ADGRE1: variants seen among roughly 807,000 people sequenced by gnomAD.
The protein encoded by ADGRE1 is EGF-like module receptor 1.
ADGRE1 carries 82 observed loss-of-function variants against 102.7 expected under a neutral mutation model. That is an observed-to-expected ratio of 0.80 (90% CI 0.67 to 0.96). The LOEUF is 0.96. Among genes scored for constraint, ADGRE1 ranks in the 40% least tolerant of loss-of-function variants. ADGRE1 has a pLI of 0.00. For missense variants in ADGRE1, 1,032 were observed against 1,085.3 expected (o/e 0.95, Z 0.69); for synonymous variants, 398 against 399.6 (o/e 1.00, Z 0.05).
Position 6,921,999 on chromosome 19 carries a change from G to A in ADGRE1, c.1791+116G>A. 10 of 1,262,928 alleles carry A rather than the reference G, an allele frequency of 7.9e-6. No individual in the cohort carries two copies. The South Asian group carries it at 1.5e-4, about 19-fold the overall frequency. 78.2% of individuals were successfully genotyped at this position (1,262,928 alleles called of 1,614,324 possible). A position where few individuals can be genotyped will look rare whatever the true frequency, so the allele number is the denominator to read the frequency against. ...ATGGGGTTGGGTGTTGTGGGATGGA[G>A]TCACGGGGACAGAAGGGGTAGGTGA... On this transcript the variant is annotated intron_variant, in intron 14 of 20. Coordinates refer to ENST00000312053, the MANE Select transcript of ADGRE1 (RefSeq NM_001974.5).
chr19:6,912,630 T>C (rs1974246505), intron 10 of ADGRE1, among the ~76,000 whole-genome samples: 1 of 152,220 alleles, frequency 6.6e-6, no homozygotes, highest in African/African-American at 2.4e-5. Flanking sequence ...TAGTGAACAG[T>C]GGCTCAGAGA....
At chr19:6,912,857 A>G (rs2144948740) in intron 10 of ADGRE1, among the ~76,000 whole-genome samples, 1 of 152,368 alleles carries the variant, frequency 6.6e-6, no homozygotes, top group South Asian at 2.1e-4. Context: ...GCTGTGTCAA[A>G]GGGTATATGC....
chr19:6,919,440 C>CTGTGTGTGTGTG, intron 12 of ADGRE1, 108 bp from the exon 13 acceptor site: 1 of 524,946 alleles, frequency 1.9e-6, no homozygotes, highest in East Asian at 4.5e-5. Flanking sequence ...CCCTCCCTCC[C>CTGTGTGTGTGTG]TCTGTGTGTG....
intron 18 of ADGRE1, among the ~76,000 whole-genome samples, chr19:6,935,406 T>C (rs1025385469): frequency 6.6e-6 from 1 of 152,214 alleles, no homozygotes; most frequent in South Asian, 2.1e-4. Flanking sequence ...ACTACAACTC[T>C]TAATAAATTT....
intron 11 of ADGRE1, among the ~76,000 whole-genome samples, chr19:6,915,160 C>A (rs1477908277): frequency 6.6e-6 from 1 of 151,912 alleles, no homozygotes; most frequent in Non-Finnish European, 1.5e-5. Context: ...GTGTGCACCA[C>A]CATGCTTGTC....
chr19:6,898,541 G>A (rs1024567692), intron 5 of ADGRE1: 193 of 1,533,148 alleles, frequency 1.3e-4, no homozygotes, highest in African/African-American at 4.0e-4. Flanking sequence ...TCTGAACTGA[G>A]GCACCCAATT....
intron 2 of ADGRE1, chr19:6,895,364 A>C (rs1973512990): frequency 6.6e-6 from 1 of 152,186 alleles, no homozygotes. Flanking sequence ...TGGTTCTATT[A>C]TTATAAGGAA....
chr19:6,924,926 C>T (rs771083644), intron 15 of ADGRE1, 54 bp downstream of exon 15: 2 of 1,580,898 alleles, frequency 1.3e-6, no homozygotes, highest in Non-Finnish European at 8.7e-7. Flanking sequence ...CCCCACCTGC[C>T]TCAGCTCATT....
intron 2 of ADGRE1, 117 bp downstream of exon 2, chr19:6,890,660 A>G: frequency 2.9e-6 from 3 of 1,050,476 alleles, no homozygotes; most frequent in Non-Finnish European, 2.8e-6. Flanking sequence ...AGTTAGCGGC[A>G]GAGCAAGGGT....
chr19:6,893,726 G>A (rs1973458386), intron 2 of ADGRE1, among the ~76,000 whole-genome samples: 1 of 152,052 alleles, frequency 6.6e-6, no homozygotes, highest in African/African-American at 2.4e-5. Flanking sequence ...ATGGGTATTG[G>A]GAATGGTGCC....
Position 6,897,549 on chromosome 19 carries a change from T to C in ADGRE1, c.514+2T>C. ...TCTCTAGAAACTCCACCTGTGAAGG[T>C]ATCCATGACCATCTCTTTATTATTT... On this transcript the variant is annotated splice_donor_variant, in intron 5 of 20. Transcript: ENST00000312053. LOFTEE classifies it high-confidence loss of function. The C allele has an allele frequency of 6.5e-7, 1 of 1,545,374 alleles. No individual in the cohort carries two copies.
At chr19:6,928,348 G>C (rs752524500) in intron 17 of ADGRE1, 137 bp downstream of exon 17, 1 of 1,541,624 alleles carries the variant, frequency 6.5e-7, no homozygotes, top group Non-Finnish European at 8.7e-7. Context: ...TTTCCAGGCC[G>C]GGCGTGGTGG....
chr19:6,922,969 C>T (rs893841262), intron 14 of ADGRE1, among the ~76,000 whole-genome samples: 3 of 151,346 alleles, frequency 2.0e-5, no homozygotes, highest in Non-Finnish European at 2.9e-5. Flanking sequence ...CCAAGCTACT[C>T]GGGAGGCTGA....
intron 2 of ADGRE1, among the ~76,000 whole-genome samples, chr19:6,893,328 G>T (rs907294131): frequency 6.6e-6 from 1 of 152,076 alleles, no homozygotes; most frequent in Non-Finnish European, 1.5e-5. Flanking sequence ...CTCCTGAGTA[G>T]TTGGGATTAC....
intron 1 of ADGRE1, among the ~76,000 whole-genome samples, chr19:6,888,220 C>A (rs1419145286): frequency 6.6e-6 from 1 of 152,022 alleles, no homozygotes; most frequent in African/African-American, 2.4e-5. Context: ...ACTATGTTGC[C>A]CCAAAAAATA....
chr19:6,937,520 T>C (rs780079479), intron 19 of ADGRE1, 24 bp from the exon 20 acceptor site: 18 of 1,601,660 alleles, frequency 1.1e-5, no homozygotes, highest in Non-Finnish European at 1.4e-5. Flanking sequence ...TCCCTGCATC[T>C]GGATGATGTG....
chr19:6,898,441 C>A, intron 5 of ADGRE1: 1 of 1,599,988 alleles, frequency 6.3e-7, no homozygotes, highest in Non-Finnish European at 8.6e-7. Context: ...CCCAGGAAAG[C>A]CGGGCAATTT....
At position 6,897,248 on chromosome 19, in the gene ADGRE1, C is replaced by T. The variant is rs577316799; in HGVS notation, c.338C>T (p.Ser113Phe). 4 of 1,613,834 alleles carry T rather than the reference C, an allele frequency of 2.5e-6. No individual in the cohort carries two copies. The South Asian group carries it at 3.3e-5, about 13-fold the overall frequency. Residue 113 changes from serine (S) to phenylalanine (F), a missense_variant, in exon 4 of 21, where the codon TCT (serine) becomes TTT (phenylalanine). Ser to Phe is a radical substitution (Grantham distance 155, BLOSUM62 -2). Coordinates refer to ENST00000312053, the MANE Select transcript of ADGRE1 (RefSeq NM_001974.5). ...RYKCSCLDGF[S>F]SPTGNDWVPG... is the part of the protein sequence containing the mutation. Reference sequence around the variant, plus strand: ...AAGTGCAGCTGTTTAGATGGTTTCTCTTCTCCCACTGGAAATGACTGGGTC... The same window carrying T: ...AAGTGCAGCTGTTTAGATGGTTTCTTTTCTCCCACTGGAAATGACTGGGTC...
intron 11 of ADGRE1, 59 bp downstream of exon 11, chr19:6,913,889 T>C (rs1291197785): frequency 4.0e-6 from 6 of 1,491,808 alleles, no homozygotes; most frequent in Non-Finnish European, 5.4e-6. Flanking sequence ...AAGTTGACTT[T>C]GGCAATGGGA....
Sources: gnomAD v4.1 joint callset for allele counts (sites outside exome capture counted in the v4.1 genomes callset) on GRCh38, gnomAD v4.1.1 for gene constraint, MANE v1.5 for transcripts, NCBI Gene and HGNC (gene_info 2026-07-23, HGNC 2026-07-21) for gene names.